The following RP1 variants were observed in gnomAD, a reference collection of about 807,000 sequenced individuals.
RP1 encodes the protein RP1 axonemal microtubule associated, also known as oxygen-regulated protein 1.
RP1 carries 16 observed loss-of-function variants against 14.8 expected under a neutral mutation model. The observed-to-expected ratio is 1.08, with a 90% CI of 0.73 to 1.65. The LOEUF (loss-of-function observed/expected upper bound fraction) is 1.65. Ranked by LOEUF, RP1 falls within the 40% of genes most tolerant of loss-of-function variation. The pLI, the probability that RP1 is intolerant of heterozygous loss-of-function variation, is 0.00. For synonymous variants in RP1, 876 were observed against 883.6 expected (o/e 0.99, Z 0.15); for missense variants, 2,631 against 2,535.0 (o/e 1.04, Z -0.81).
In RP1 at chr8:54,674,127, G is replaced by T. The variant is rs557245150; in HGVS notation, c.1402+199G>T. Among the ~76,000 whole-genome samples the T allele has an allele frequency of 4.9e-4, 75 of 152,148 alleles. 2 individuals carry two copies. In the South Asian group the frequency reaches 0.015, roughly 31 times the overall value. On this transcript the variant is annotated intron_variant, in intron 8 of 22. Coordinates refer to the RP1 transcript ENST00000636932. ...TTTTTCTTCAAAATGACATAGGCTT[G>T]GCCAAGGGGATAATCTAGGATGGGC...
chr8:54,629,076 C>T lies in RP1; in HGVS notation c.5194C>T (p.Leu1732Phe). 1 of 1,614,060 alleles carries T rather than the reference C, an allele frequency of 6.2e-7. No homozygotes were observed. The highest frequency in any genetic ancestry group is 1.3e-5 in the African/African-American group (1 of 75,032). The stretch of plus-strand genomic sequence containing the variant: ...AAAACAAAATGATGATAGCAGAATC[C>T]TCACAGACATAGAGGAAGGAGTACT... ...GTKQNDDSRI[L>F]TDIEEGVLID... is the part of the protein sequence containing the mutation. The change falls in exon 4 of 4, where the codon CTC (leucine) becomes TTC (phenylalanine). Residue 1732 changes from leucine (L) to phenylalanine (F), a missense_variant. Transcript: ENST00000220676.
At chr8:54,656,877 T>TC (rs1436737288) in intron 6 of RP1, among the ~76,000 whole-genome samples, 5 of 151,750 alleles carry the variant, frequency 3.3e-5, no homozygotes, top group Non-Finnish European at 5.9e-5. Context: ...CAGACTATGT[T>TC]CTGTTAAAAA....
chr8:54,800,810 T>C (rs114897987), intron 24 of RP1, among the ~76,000 whole-genome samples: 4,356 of 152,334 alleles, frequency 0.029, 121 homozygotes, highest in African/African-American at 0.064. Flanking sequence ...ATATTAAATT[T>C]CTTGTATGAT....
intron 7 of RP1, among the ~76,000 whole-genome samples, chr8:54,671,542 T>C (rs541346460): frequency 6.6e-6 from 1 of 152,214 alleles, no homozygotes; most frequent in East Asian, 1.9e-4. Context: ...ATTTTGTTGC[T>C]CCTGTCTTGA....
At chr8:54,603,625 G>A (rs1805351282) in intron 1 of RP1, among the ~76,000 whole-genome samples, 1 of 152,118 alleles carries the variant, frequency 6.6e-6, no homozygotes, top group Non-Finnish European at 1.5e-5. Context: ...AAATTACCTT[G>A]AGCAGTGTGG....
At chr8:54,659,263 T>G (rs367596888) in intron 6 of RP1, among the ~76,000 whole-genome samples, 1 of 152,166 alleles carries the variant, frequency 6.6e-6, no homozygotes. Context: ...TTTTGTTGCA[T>G]GTGATTTTGG....
intron 24 of RP1, among the ~76,000 whole-genome samples, chr8:54,820,558 A>G (rs746504519): frequency 2.0e-5 from 3 of 152,092 alleles, no homozygotes; most frequent in Non-Finnish European, 4.4e-5. Flanking sequence ...CTCTGCTGTG[A>G]CAGGGCAGCA....
chr8:54,828,803 G>T (rs1213501145), intron 24 of RP1, among the ~76,000 whole-genome samples: 1 of 150,742 alleles, frequency 6.6e-6, no homozygotes, highest in African/African-American at 2.4e-5. Flanking sequence ...TGACGGCTAC[G>T]ATGTCACTAG....
chr8:54,592,095 A>T (rs533234905), intron 1 of RP1, among the ~76,000 whole-genome samples: 1 of 152,190 alleles, frequency 6.6e-6, no homozygotes, highest in African/African-American at 2.4e-5. Flanking sequence ...CATTTTTGCA[A>T]ACAACCCACC....
chr8:54,816,715 C>A (rs1377718306), intron 24 of RP1, among the ~76,000 whole-genome samples: 2 of 152,176 alleles, frequency 1.3e-5, no homozygotes, highest in Non-Finnish European at 2.9e-5. Context: ...TCAAGGAAAT[C>A]TTTTAGAAAC....
chr8:54,681,482 TTGTG>T (rs3049538), intron 12 of RP1, among the ~76,000 whole-genome samples: 42,341 of 141,538 alleles, frequency 0.3, 6,139 homozygotes, highest in Non-Finnish European at 0.35. Flanking sequence ...ATTTTTTGAT[TTGTG>T]TGTGTGTGTG....
At chr8:54,687,790 T>C (rs1250435871) in intron 12 of RP1, among the ~76,000 whole-genome samples, 1 of 152,228 alleles carries the variant, frequency 6.6e-6, no homozygotes, top group African/African-American at 2.4e-5. Flanking sequence ...TGTGTCTTTA[T>C]AGCAGAATGA....
chr8:54,808,081 C>T (rs1039666107), intron 24 of RP1, among the ~76,000 whole-genome samples: 3 of 152,182 alleles, frequency 2.0e-5, no homozygotes, highest in Non-Finnish European at 2.9e-5. Flanking sequence ...ACCATCATAG[C>T]GTGTAACCAT....
chr8:54,570,409 A>G (rs1586389431), intron 1 of RP1, among the ~76,000 whole-genome samples: 1 of 148,924 alleles, frequency 6.7e-6, no homozygotes, highest in African/African-American at 2.5e-5. Context: ...GCTCACTGCA[A>G]CCTCCACCTT....
At chr8:54,611,486 T>C (rs551172945), upstream of RP1, among the ~76,000 whole-genome samples, 1 of 152,332 alleles carries the variant, frequency 6.6e-6, no homozygotes, top group East Asian at 1.9e-4. Context: ...TGAACTGCTC[T>C]TGTGAATTTT....
intron 24 of RP1, among the ~76,000 whole-genome samples, chr8:54,824,241 T>C (rs901174564): frequency 3.9e-5 from 6 of 152,158 alleles, no homozygotes; most frequent in Admixed American, 2.6e-4. Flanking sequence ...ACTATAGATA[T>C]TGCAGACGTT....
At chr8:54,870,145 C>T (rs1398520434) in exon 29 of RP1, 1 of 370,784 alleles carries the variant, frequency 2.7e-6, no homozygotes, top group East Asian at 3.9e-5. Flanking sequence ...AGATCAGCCC[C>T]TGGTATCTGG....
chr8:54,853,158 G>A (rs1227247230), intron 26 of RP1, among the ~76,000 whole-genome samples: 2 of 152,154 alleles, frequency 1.3e-5, no homozygotes, highest in Non-Finnish European at 2.9e-5. Flanking sequence ...GAATCAAGAA[G>A]CCAGTCAGAA....
At chr8:54,726,226 A>T in intron 16 of RP1, 2 of 1,088,220 alleles carry the variant, frequency 1.8e-6, no homozygotes, top group Non-Finnish European at 2.5e-6. Flanking sequence ...AGATTTGACT[A>T]GGCATTGAAA....
Sources: gnomAD v4.1 joint callset for allele counts (sites outside exome capture counted in the v4.1 genomes callset) on GRCh38, gnomAD v4.1.1 for gene constraint, MANE v1.5 for transcripts, NCBI Gene and HGNC (gene_info 2026-07-23, HGNC 2026-07-21) for gene names.